Variants in DPP10 observed in about 807,000 individuals in gnomAD.
The protein encoded by DPP10 is inactive dipeptidyl peptidase 10.
A neutral mutation model predicts 120.9 loss-of-function variants in DPP10; 33 were observed. The ratio of observed to expected loss-of-function variants is 0.27; its 90% CI spans 0.21 to 0.37. The LOEUF is 0.37. Among genes scored for constraint, DPP10 ranks in the 10% least tolerant of loss-of-function variants. The pLI, the probability that DPP10 is intolerant of heterozygous loss-of-function variation, is 1.00. For synonymous variants in DPP10, 337 were observed against 326.1 expected, an observed-to-expected ratio of 1.03 and a Z score of -0.36; for missense variants, 816 against 942.8, an observed-to-expected ratio of 0.87 and a Z score of 1.76.
chr2:115,735,723 C>T (rs867289719), intron 8 of DPP10, among the ~76,000 whole-genome samples: 1 of 113,064 alleles, frequency 8.8e-6, no homozygotes, highest in East Asian at 2.9e-4. Flanking sequence ...AGTAGAGATG[C>T]GGTTTCGCTA....
chr2:114,939,635 T>G (rs555730376), intron 1 of DPP10, among the ~76,000 whole-genome samples: 1 of 152,266 alleles, frequency 6.6e-6, no homozygotes, highest in South Asian at 2.1e-4. Context: ...CAATTTTAAT[T>G]GATATCACCA....
chr2:115,495,365 GAAAAAA>G (rs3039998), intron 3 of DPP10, among the ~76,000 whole-genome samples: 5 of 82,240 alleles, frequency 6.1e-5, no homozygotes, highest in Admixed American at 3.9e-4. Flanking sequence ...GCCATTTTCT[GAAAAAA>G]AAAAAAAAAA....
intron 1 of DPP10, among the ~76,000 whole-genome samples, chr2:115,239,814 C>T (rs889968570): frequency 2.0e-5 from 3 of 152,090 alleles, no homozygotes; most frequent in African/African-American, 2.4e-5. Flanking sequence ...CATGCGTTCT[C>T]ATTGTTCAAC....
At chr2:114,918,392 T>G (rs1460369450) in intron 1 of DPP10, among the ~76,000 whole-genome samples, 1 of 152,158 alleles carries the variant, frequency 6.6e-6, no homozygotes, top group African/African-American at 2.4e-5. Context: ...AGTTTGGATA[T>G]TCTCATAGAA....
chr2:114,961,797 T>C (rs1698658188), intron 1 of DPP10, among the ~76,000 whole-genome samples: 2 of 151,908 alleles, frequency 1.3e-5, no homozygotes. Context: ...GGACTAAAAA[T>C]ACAAAAATTA....
chr2:114,942,320 T>TAA, intron 1 of DPP10, among the ~76,000 whole-genome samples: 1 of 123,976 alleles, frequency 8.1e-6, no homozygotes, highest in Admixed American at 9.0e-5. Flanking sequence ...TATATATATA[T>TAA]ACACACACAT....
chr2:115,777,116 T>C (rs1682194781), intron 13 of DPP10, 92 bp from the exon 14 acceptor site: 1 of 1,079,378 alleles, frequency 9.3e-7, no homozygotes, highest in Admixed American at 2.1e-5. Context: ...AATTAGAGAA[T>C]TCGAAGTGTC....
At chr2:115,358,537 TC>T (rs2064558334) in intron 3 of DPP10, among the ~76,000 whole-genome samples, 1 of 152,132 alleles carries the variant, frequency 6.6e-6, no homozygotes, top group Admixed American at 6.6e-5. Context: ...TTCCAAACTT[TC>T]CCACATTTTC....
intron 1 of DPP10, among the ~76,000 whole-genome samples, chr2:114,520,856 C>T (rs923174234): frequency 6.6e-6 from 1 of 152,152 alleles, no homozygotes; most frequent in Admixed American, 6.5e-5. Context: ...GAAAGCTTAG[C>T]AGAACCAAAT....
intron 1 of DPP10, among the ~76,000 whole-genome samples, chr2:114,731,428 C>T (rs1676903510): frequency 6.6e-6 from 1 of 152,116 alleles, no homozygotes; most frequent in South Asian, 2.1e-4. Context: ...CAGCTGTAAA[C>T]TCTAGCCCTG....
chr2:114,524,954 A>G (rs1180500521), intron 1 of DPP10, among the ~76,000 whole-genome samples: 4 of 152,166 alleles, frequency 2.6e-5, no homozygotes, highest in Admixed American at 6.6e-5. Flanking sequence ...TAGGCTTCCA[A>G]TCATTGGTCA....
At chr2:114,949,188 G>T (rs1485551106) in intron 1 of DPP10, among the ~76,000 whole-genome samples, 1 of 152,094 alleles carries the variant, frequency 6.6e-6, no homozygotes, top group Non-Finnish European at 1.5e-5. Flanking sequence ...CTCCCAAAAT[G>T]CTGGGATTAC....
chr2:115,534,110 AT>A lies in DPP10; in HGVS notation c.441+8147del, dbSNP rs200087853. Among the ~76,000 whole-genome samples the A allele has an allele frequency of 4.0e-3, 583 of 146,872 alleles. 3 individuals are homozygous for A. The highest frequency in any genetic ancestry group is 0.014 in the African/African-American group (538 of 38,994). ...ACTTTTATTTATTTTTTTATTTTTT[AT>A]TTTTTTTTATTATTATACTTCAAGT... is the stretch of plus-strand genomic sequence containing the variant. On this transcript the variant is annotated intron_variant, in intron 5 of 25. Transcript: ENST00000410059.
chr2:114,585,201 C>T (rs1056421957), intron 1 of DPP10, among the ~76,000 whole-genome samples: 2 of 152,138 alleles, frequency 1.3e-5, no homozygotes, highest in Non-Finnish European at 2.9e-5. Context: ...GAGACCGCTT[C>T]CAAGCTCTTT....
chr2:114,920,543 A>C (rs180672119), intron 1 of DPP10, among the ~76,000 whole-genome samples: 1 of 152,348 alleles, frequency 6.6e-6, no homozygotes, highest in Admixed American at 6.5e-5. Flanking sequence ...AGTAGGAAGC[A>C]TACTATCTTG....
At chr2:114,914,854 G>A (rs552318622) in intron 1 of DPP10, among the ~76,000 whole-genome samples, 8 of 152,330 alleles carry the variant, frequency 5.3e-5, no homozygotes, top group African/African-American at 9.6e-5. Context: ...AAATGGGGCC[G>A]GGCGCGGTGG....
intron 1 of DPP10, among the ~76,000 whole-genome samples, chr2:114,669,543 T>C (rs1197619357): frequency 1.3e-5 from 2 of 152,174 alleles, no homozygotes; most frequent in East Asian, 3.8e-4. Flanking sequence ...GTTGACAGTA[T>C]TGAATTGATG....
chr2:115,222,089 C>T (rs1475371889), intron 1 of DPP10, among the ~76,000 whole-genome samples: 5 of 152,056 alleles, frequency 3.3e-5, no homozygotes, highest in African/African-American at 1.2e-4. Flanking sequence ...CAGGGGAGAG[C>T]AGGTTTAGCA....
intron 1 of DPP10, among the ~76,000 whole-genome samples, chr2:114,953,263 C>T (rs183291879): frequency 1.1e-4 from 17 of 152,242 alleles, no homozygotes; most frequent in Admixed American, 7.2e-4. Context: ...CTCAGTTTAG[C>T]AATCCCATAA....
Sources: gnomAD v4.1 joint callset for allele counts (sites outside exome capture counted in the v4.1 genomes callset) on GRCh38, gnomAD v4.1.1 for gene constraint, MANE v1.5 for transcripts, NCBI Gene and HGNC (gene_info 2026-07-23, HGNC 2026-07-21) for gene names.